Variants in HYCC2 observed in about 807,000 individuals in gnomAD.
The protein encoded by HYCC2 is hyccin 2.
chr2:200,981,858 T>G, the HYCC2 span: 1 of 1,607,800 alleles, frequency 6.2e-7, no homozygotes, highest in Non-Finnish European at 8.5e-7. The surrounding 1 kb of genome is among the most constrained non-coding windows in gnomAD (Gnocchi z 4.5). Context: ...CTCCTCCATT[T>G]ACACCCTCAG....
chr2:200,983,464 G>T, the HYCC2 span, among the ~76,000 whole-genome samples: 6 of 152,012 alleles, frequency 3.9e-5, no homozygotes, highest in Non-Finnish European at 8.8e-5. Flanking sequence ...TCCTTCTAAA[G>T]AATGAAATAA....
At chr2:201,001,919 G>C in the HYCC2 span, among the ~76,000 whole-genome samples, 2 of 151,982 alleles carry the variant, frequency 1.3e-5, no homozygotes, top group African/African-American at 4.8e-5. Flanking sequence ...TAATCCACCT[G>C]CCTCAGCTTC....
chr2:201,046,883 C>T, the HYCC2 span, among the ~76,000 whole-genome samples: 3 of 152,054 alleles, frequency 2.0e-5, no homozygotes, highest in African/African-American at 7.2e-5. Flanking sequence ...CTTTCATATA[C>T]AAAGTCTGGC....
chr2:200,997,376 G>A, the HYCC2 span: 1 of 1,138,980 alleles, frequency 8.8e-7, no homozygotes, highest in East Asian at 2.4e-5. Flanking sequence ...ACAGTGCTTG[G>A]CTTAGAGAAT....
the HYCC2 span, among the ~76,000 whole-genome samples, chr2:201,055,272 T>C: frequency 6.6e-6 from 1 of 151,918 alleles, no homozygotes; most frequent in African/African-American, 2.4e-5. Context: ...ACATTCATAA[T>C]GTTGTCCAAC....
the HYCC2 span, chr2:201,022,851 T>C: frequency 1.2e-6 from 2 of 1,608,134 alleles, no homozygotes; most frequent in Non-Finnish European, 1.7e-6. Flanking sequence ...GAATCTTGAA[T>C]AACTTTATAG....
chr2:200,999,811 C>G, the HYCC2 span, among the ~76,000 whole-genome samples: 3 of 150,636 alleles, frequency 2.0e-5, no homozygotes, highest in Non-Finnish European at 3.0e-5. Flanking sequence ...CATCTGTAAT[C>G]CCAGCACATT....
chr2:201,040,310 T>C, the HYCC2 span, among the ~76,000 whole-genome samples: 2 of 152,316 alleles, frequency 1.3e-5, no homozygotes, highest in South Asian at 2.1e-4. Context: ...TTCTCAGCTT[T>C]TTTTGGCCTC....
the HYCC2 span, among the ~76,000 whole-genome samples, chr2:201,049,797 A>G: frequency 6.6e-6 from 1 of 152,154 alleles, no homozygotes; most frequent in African/African-American, 2.4e-5. Context: ...AATAACAAAA[A>G]TAATAAAGAA....
chr2:200,995,552 C>G, the HYCC2 span, among the ~76,000 whole-genome samples: 7 of 152,332 alleles, frequency 4.6e-5, no homozygotes, highest in South Asian at 1.5e-3. Flanking sequence ...AAGAAGCAAG[C>G]TGCCATGTTG....
the HYCC2 span, chr2:200,976,802 T>A: frequency 3.9e-5 from 6 of 152,150 alleles, no homozygotes; most frequent in African/African-American, 1.4e-4. Flanking sequence ...TAAGGAAATA[T>A]TGCTTGCATT....
At chr2:201,005,979 A>G in the HYCC2 span, among the ~76,000 whole-genome samples, 1 of 151,942 alleles carries the variant, frequency 6.6e-6, no homozygotes. Flanking sequence ...GATTACAGGC[A>G]TGCGCCACCA....
the HYCC2 span, among the ~76,000 whole-genome samples, chr2:201,057,477 C>T: frequency 6.6e-6 from 1 of 152,276 alleles, no homozygotes; most frequent in Admixed American, 6.5e-5. Context: ...CCAGCTTGCA[C>T]CAGATTTTAC....
At chr2:201,063,391 C>T in the HYCC2 span, 4 of 1,585,316 alleles carry the variant, frequency 2.5e-6, no homozygotes, top group African/African-American at 5.4e-5. Context: ...CAGGTGCCCA[C>T]TTAACTGTGA....
chr2:201,030,831 G>A, the HYCC2 span, among the ~76,000 whole-genome samples: 1 of 152,034 alleles, frequency 6.6e-6, no homozygotes, highest in African/African-American at 2.4e-5. Context: ...TGCCCACGTT[G>A]GCCTCCTAAA....
the HYCC2 span, among the ~76,000 whole-genome samples, chr2:201,027,389 A>T: frequency 6.6e-6 from 1 of 152,196 alleles, no homozygotes; most frequent in Non-Finnish European, 1.5e-5. Flanking sequence ...AGAGGTACAA[A>T]GAGGAGCTGG....
chr2:200,990,716 C>T, the HYCC2 span, among the ~76,000 whole-genome samples: 24 of 152,286 alleles, frequency 1.6e-4, no homozygotes, highest in Non-Finnish European at 3.1e-4. Context: ...GGATTACAGG[C>T]GCCCGCCACC....
the HYCC2 span, chr2:200,975,687 C>G: frequency 1.3e-5 from 2 of 152,070 alleles, no homozygotes; most frequent in African/African-American, 4.8e-5. Context: ...TCATTCCCAG[C>G]TTTCTGCTAA....
At chr2:201,055,448 C>CTTTGGG in the HYCC2 span, among the ~76,000 whole-genome samples, 2 of 151,538 alleles carry the variant, frequency 1.3e-5, no homozygotes, top group Non-Finnish European at 2.9e-5. Flanking sequence ...CCTGTAATCC[C>CTTTGGG]AGCACTTTGG....
Sources: gnomAD v4.1 joint callset for allele counts (sites outside exome capture counted in the v4.1 genomes callset) on GRCh38, gnomAD v4.1.1 for gene constraint, Gnocchi (gnomAD v3.1) non-coding constraint, MANE v1.5 for transcripts, NCBI Gene and HGNC (gene_info 2026-07-23, HGNC 2026-07-21) for gene names.